The following CCDC171 variants were observed in gnomAD, a reference collection of about 807,000 sequenced individuals.
CCDC171 encodes the protein coiled-coil domain containing 171.
A neutral mutation model predicts 168.2 loss-of-function variants in CCDC171; 177 were observed. That is an observed-to-expected ratio of 1.05 (90% CI 0.93 to 1.19). The LOEUF is 1.19. Ranked by LOEUF, CCDC171 falls within the 50% of genes most tolerant of loss-of-function variation. The pLI is 0.00. For missense variants in CCDC171, 1,991 were observed against 1,539.0 expected, an observed-to-expected ratio of 1.29 and a Z score of -4.91; for synonymous variants, 687 against 540.8, an observed-to-expected ratio of 1.27 and a Z score of -3.75.
At chr9:15,596,192 T>A (rs1312445222) in intron 6 of CCDC171, among the ~76,000 whole-genome samples, 2 of 152,190 alleles carry the variant, frequency 1.3e-5, no homozygotes, top group Admixed American at 6.6e-5. Context: ...CCATTGGTTT[T>A]GGTGTTTTAG....
chr9:15,977,414 G>C (rs551693235), downstream of CCDC171, among the ~76,000 whole-genome samples: 89 of 152,316 alleles, frequency 5.8e-4, no homozygotes, highest in Non-Finnish European at 1.0e-3. Flanking sequence ...TCTGGATATA[G>C]TATGGGAAGG....
chr9:15,835,488 C>G (rs201668328), intron 21 of CCDC171, among the ~76,000 whole-genome samples: 1 of 152,096 alleles, frequency 6.6e-6, no homozygotes, highest in African/African-American at 2.4e-5. Flanking sequence ...AGTACAATGG[C>G]GTGATCTCGG....
intron 7 of CCDC171, among the ~76,000 whole-genome samples, chr9:15,632,456 A>G (rs2045801793): frequency 6.6e-6 from 1 of 152,216 alleles, no homozygotes; most frequent in East Asian, 1.9e-4. Flanking sequence ...TAGGAATCCA[A>G]CTTACAAGGG....
intron 9 of CCDC171, among the ~76,000 whole-genome samples, chr9:15,674,691 G>A (rs1277389024): frequency 6.6e-6 from 1 of 152,170 alleles, no homozygotes; most frequent in Non-Finnish European, 1.5e-5. Context: ...TCTTAATCCT[G>A]AGTTCTAGTT....
chr9:15,975,998 C>G (rs1001670264), downstream of CCDC171, among the ~76,000 whole-genome samples: 1 of 151,968 alleles, frequency 6.6e-6, no homozygotes, highest in Non-Finnish European at 1.5e-5. Flanking sequence ...AAAGGTGATA[C>G]GATGATGGAA....
rs1490509220 is a variant in CCDC171 at position 15,972,293 on chromosome 9, CTT to C, written c.*458_*459del. 1 of 161,172 alleles carries C rather than the reference CTT, an allele frequency of 6.2e-6. No individual in the cohort carries two copies. Among genetic ancestry groups the C allele is most frequent in the African/African-American group, 2.4e-5 (1 of 41,542 alleles). 10.0% of individuals were successfully genotyped at this position (161,172 alleles called of 1,614,324 possible). On this transcript the variant is annotated 3_prime_UTR_variant, in exon 26 of 26. Coordinates refer to ENST00000380701, the MANE Select transcript of CCDC171 (RefSeq NM_173550.4). ...TGGTTCACTGAGCCCCCTCTTCTCT[CTT>C]GTCAGCTCAACTGAAGACAAGCATT...
At chr9:16,034,957 TG>T (rs1833435363) in intron 6 of CCDC171, among the ~76,000 whole-genome samples, 1 of 152,210 alleles carries the variant, frequency 6.6e-6, no homozygotes, top group Admixed American at 6.5e-5. Flanking sequence ...ATAGTACACT[TG>T]ATATGCAAAC....
At chr9:15,590,172 G>A (rs2041877293) in intron 4 of CCDC171, among the ~76,000 whole-genome samples, 1 of 152,200 alleles carries the variant, frequency 6.6e-6, no homozygotes, top group South Asian at 2.1e-4. Flanking sequence ...AGAGACCATG[G>A]AAGAATGTCT....
In CCDC171 at chr9:15,687,854, G is replaced by A. The variant is rs539397249; in HGVS notation, c.1216-7381G>A. 2.0e-5 allele frequency among the ~76,000 whole-genome samples: 3 copies of A among 152,298 alleles called. No individual in the cohort carries two copies. In the South Asian group the frequency reaches 6.2e-4, roughly 32 times the overall value. On this transcript the variant is annotated intron_variant, in intron 10 of 25. Transcript: ENST00000380701. The stretch of plus-strand genomic sequence containing the variant: ...AATATAAAATCCGTTGGGCGCAGTG[G>A]CTCGTGCCTGTAATCCTAACACTTG...
chr9:15,745,443 T>A, intron 17 of CCDC171, 72 bp from the exon 18 acceptor site: 1 of 905,852 alleles, frequency 1.1e-6, no homozygotes. Flanking sequence ...AGCTGAACAC[T>A]GCTACGAATT....
At chr9:16,017,666 A>G (rs1445893017) in intron 3 of CCDC171, among the ~76,000 whole-genome samples, 1 of 152,220 alleles carries the variant, frequency 6.6e-6, no homozygotes, top group Non-Finnish European at 1.5e-5. Context: ...AAGTATTAAT[A>G]ATATCATTAA....
At chr9:15,761,100 C>G (rs951825963) in intron 18 of CCDC171, among the ~76,000 whole-genome samples, 7 of 152,196 alleles carry the variant, frequency 4.6e-5, no homozygotes, top group African/African-American at 1.7e-4. Context: ...TGAAATATCT[C>G]TGAACAAACA....
downstream of CCDC171, among the ~76,000 whole-genome samples, chr9:16,062,007 T>C (rs1833937703): frequency 6.6e-6 from 1 of 152,132 alleles, no homozygotes; most frequent in South Asian, 2.1e-4. Flanking sequence ...AATACCTCAC[T>C]GCTAGGGAAT....
chr9:15,636,100 G>A (rs1180257877), intron 7 of CCDC171, among the ~76,000 whole-genome samples: 1 of 152,004 alleles, frequency 6.6e-6, no homozygotes, highest in African/African-American at 2.4e-5. Flanking sequence ...TGGAGAAATA[G>A]CTATTTAGAC....
intron 3 of CCDC171, among the ~76,000 whole-genome samples, chr9:15,992,437 T>C (rs200656596): frequency 3.3e-5 from 5 of 152,186 alleles, no homozygotes; most frequent in African/African-American, 4.8e-5. Context: ...ATTGATGGGA[T>C]GTATCTCAAA....
At chr9:15,667,319 C>T (rs555326379) in intron 9 of CCDC171, among the ~76,000 whole-genome samples, 20 of 152,106 alleles carry the variant, frequency 1.3e-4, no homozygotes, top group East Asian at 1.2e-3. Context: ...TAATGGTTTT[C>T]CATTTATAGC....
intron 25 of CCDC171, among the ~76,000 whole-genome samples, chr9:15,964,787 TCTCA>T (rs1830643623): frequency 1.3e-5 from 2 of 152,062 alleles, no homozygotes; most frequent in South Asian, 4.1e-4. Flanking sequence ...TGAGACAGAG[TCTCA>T]CTCTTGTCAC....
At position 15,576,427 on chromosome 9, in the gene CCDC171, A is replaced by T. The variant is rs1034528089; in HGVS notation, c.178-2422A>T. Among the ~76,000 whole-genome samples the T allele has an allele frequency of 4.8e-4, 72 of 151,422 alleles. 1 individual carries two copies. The highest frequency in any genetic ancestry group is 1.6e-3 in the African/African-American group (67 of 41,270). ...GGTCTCAAACTCCTAGCCTCAAGCA[A>T]CCCTCCCTCATCAGCCTCTCAAAGT... is the stretch of plus-strand genomic sequence containing the variant. On this transcript the variant is annotated intron_variant, in intron 3 of 25. Transcript: ENST00000380701.
At chr9:15,554,265 C>T (rs1403791601) in intron 1 of CCDC171, among the ~76,000 whole-genome samples, 1 of 152,184 alleles carries the variant, frequency 6.6e-6, no homozygotes, top group African/African-American at 2.4e-5. Flanking sequence ...CGTGATCCGC[C>T]CGCCTCGGCC....
Sources: gnomAD v4.1 joint callset for allele counts (sites outside exome capture counted in the v4.1 genomes callset) on GRCh38, gnomAD v4.1.1 for gene constraint, MANE v1.5 for transcripts, NCBI Gene and HGNC (gene_info 2026-07-23, HGNC 2026-07-21) for gene names.